PTPRR: variants seen among roughly 807,000 people sequenced by gnomAD.
PTPRR encodes the protein receptor-type tyrosine-protein phosphatase R.
Under a neutral mutation model 77.2 loss-of-function variants are expected in PTPRR, and 38 were observed. The observed-to-expected ratio is 0.49, with a 90% CI of 0.38 to 0.65. The LOEUF is 0.65. PTPRR is among the 30% of genes least tolerant of loss of function. The pLI is 0.00. For missense variants in PTPRR, 744 were observed against 799.2 expected, an observed-to-expected ratio of 0.93 and a Z score of 0.83; for synonymous variants, 299 against 283.1, an observed-to-expected ratio of 1.06 and a Z score of -0.57.
At chr12:70,764,321 G>T (rs1470471758) in intron 3 of PTPRR, among the ~76,000 whole-genome samples, 1 of 152,176 alleles carries the variant, frequency 6.6e-6, no homozygotes, top group East Asian at 1.9e-4. Context: ...GTAGTGTCAG[G>T]TTGGTAAGGC....
intron 2 of PTPRR, among the ~76,000 whole-genome samples, chr12:70,864,064 A>G (rs543805919): frequency 1.3e-5 from 2 of 152,300 alleles, no homozygotes; most frequent in South Asian, 2.1e-4. Flanking sequence ...TAGACATCCA[A>G]AGACAGCCAA....
intron 2 of PTPRR, among the ~76,000 whole-genome samples, chr12:70,792,241 G>A (rs1044466857): frequency 4.6e-5 from 7 of 152,142 alleles, no homozygotes; most frequent in African/African-American, 1.7e-4. Flanking sequence ...AACCTAATAT[G>A]TACTCAATAA....
chr12:70,665,027 A>G (rs1047068240), intron 10 of PTPRR, among the ~76,000 whole-genome samples: 2 of 152,184 alleles, frequency 1.3e-5, no homozygotes, highest in Non-Finnish European at 2.9e-5. Context: ...AATGAGATAA[A>G]AGAGGCAGAA....
intron 8 of PTPRR, among the ~76,000 whole-genome samples, chr12:70,687,999 TAC>T (rs1476742336): frequency 6.6e-6 from 1 of 152,164 alleles, no homozygotes; most frequent in Non-Finnish European, 1.5e-5. Context: ...CCAAATCTCA[TAC>T]AGTCTTAACA....
intron 2 of PTPRR, among the ~76,000 whole-genome samples, chr12:70,856,834 TGGGGGAGAGAGG>T (rs995041039): frequency 1.7e-5 from 2 of 114,810 alleles, no homozygotes; most frequent in Admixed American, 1.9e-4. Flanking sequence ...AGGAGTGGAG[TGGGGGAGAGAGG>T]GGGAGAGAGA....
intron 2 of PTPRR, among the ~76,000 whole-genome samples, chr12:70,785,115 T>C (rs1189619490): frequency 1.3e-5 from 2 of 152,234 alleles, no homozygotes; most frequent in Admixed American, 6.5e-5. Flanking sequence ...ATCCTGTCCC[T>C]TCACATTATG....
At chr12:70,867,788 A>C (rs1592803011) in intron 2 of PTPRR, among the ~76,000 whole-genome samples, 1 of 152,294 alleles carries the variant, frequency 6.6e-6, no homozygotes, top group African/African-American at 2.4e-5. Flanking sequence ...TTCAAACTAT[A>C]CTACAAGGCT....
intron 1 of PTPRR, among the ~76,000 whole-genome samples, chr12:70,906,212 G>A (rs1893619065): frequency 1.3e-5 from 2 of 151,920 alleles, no homozygotes; most frequent in Non-Finnish European, 2.9e-5. Flanking sequence ...TCACCCCAAT[G>A]AGCCTCAGTC....
intron 4 of PTPRR, among the ~76,000 whole-genome samples, chr12:70,761,078 C>T (rs919385053): frequency 4.0e-5 from 6 of 151,876 alleles, no homozygotes; most frequent in Non-Finnish European, 7.4e-5. Flanking sequence ...TTGACAATGA[C>T]GACAATGAGG....
intron 2 of PTPRR, among the ~76,000 whole-genome samples, chr12:70,783,754 G>A (rs1891253606): frequency 3.9e-5 from 6 of 151,944 alleles, no homozygotes; most frequent in Admixed American, 3.9e-4. Flanking sequence ...CCAGGCTGCT[G>A]GCACCAAGAG....
rs150514515 is a variant in PTPRR at position 70,801,742 on chromosome 12, A to AATCT, written c.358-36968_358-36965dup. On this transcript the variant is annotated intron_variant, in intron 2 of 13. Coordinates refer to ENST00000283228, the MANE Select transcript of PTPRR (RefSeq NM_002849.4). ...ACCACATGAGCCACTCCTTATAATA[A>AATCT]ATCTATCTATCTATCTATCTATAGC... Among the ~76,000 whole-genome samples, 410 of 151,680 alleles carry AATCT rather than the reference A, an allele frequency of 2.7e-3. 4 individuals carry two copies. The highest frequency in any genetic ancestry group is 8.4e-3 in the African/African-American group (345 of 41,252).
At chr12:70,845,714 T>C (rs532209056) in intron 2 of PTPRR, among the ~76,000 whole-genome samples, 13 of 152,294 alleles carry the variant, frequency 8.5e-5, no homozygotes, top group South Asian at 2.1e-4. Flanking sequence ...CTAGTAGTTA[T>C]ATAAATGGTT....
intron 2 of PTPRR, among the ~76,000 whole-genome samples, chr12:70,874,739 T>C (rs1466833068): frequency 5.9e-5 from 9 of 151,966 alleles, no homozygotes; most frequent in Non-Finnish European, 1.3e-4. Context: ...CTGGCCAACA[T>C]GGTGAAACCC....
At chr12:70,767,516 C>A (rs557459996) in intron 2 of PTPRR, among the ~76,000 whole-genome samples, 170 of 152,008 alleles carry the variant, frequency 1.1e-3, no homozygotes, top group African/African-American at 3.7e-3. Context: ...TTCATAAAGC[C>A]AGTCCTGAGT....
chr12:70,647,177 A>G (rs1886231346), intron 13 of PTPRR, among the ~76,000 whole-genome samples: 1 of 152,144 alleles, frequency 6.6e-6, no homozygotes, highest in Non-Finnish European at 1.5e-5. Context: ...CTACTCAGGA[A>G]GAAAAAAAAG....
chr12:70,650,722 G>T (rs1052634164), intron 13 of PTPRR, among the ~76,000 whole-genome samples: 2 of 152,196 alleles, frequency 1.3e-5, no homozygotes, highest in Non-Finnish European at 2.9e-5. Flanking sequence ...GCACCACTCT[G>T]TGCAGAGGTC....
chr12:70,657,696 T>C (rs1378117432), intron 12 of PTPRR, among the ~76,000 whole-genome samples: 1 of 152,196 alleles, frequency 6.6e-6, no homozygotes, highest in African/African-American at 2.4e-5. Context: ...GAATTAATTA[T>C]CTTTTCCCTC....
intron 2 of PTPRR, among the ~76,000 whole-genome samples, chr12:70,888,901 A>C (rs1893286764): frequency 6.6e-6 from 1 of 152,220 alleles, no homozygotes; most frequent in Non-Finnish European, 1.5e-5. Context: ...CAGGGTCAAA[A>C]TATAAAGAAT....
At chr12:70,786,796 G>A (rs151088524) in intron 2 of PTPRR, among the ~76,000 whole-genome samples, 1 of 152,116 alleles carries the variant, frequency 6.6e-6, no homozygotes, top group Non-Finnish European at 1.5e-5. Flanking sequence ...AATGAAATGA[G>A]GTTTATTGGC....
Sources: allele counts gnomAD v4.1 joint callset (sites outside exome capture counted in the v4.1 genomes callset), GRCh38; gene constraint gnomAD v4.1.1; transcripts MANE v1.5; gene names NCBI Gene and HGNC (gene_info 2026-07-23, HGNC 2026-07-21).